UBTD1: variants seen among roughly 807,000 people sequenced by gnomAD.
UBTD1 encodes ubiquitin domain containing 1, also known as ubiquitin domain-containing protein 1.
UBTD1 carries 19 observed loss-of-function variants against 21.7 expected under a neutral mutation model. That is an observed-to-expected ratio of 0.87 (90% CI 0.61 to 1.28). UBTD1 has a LOEUF of 1.28. UBTD1 is among the 50% of genes most tolerant of loss of function. The pLI is 0.00. For synonymous variants in UBTD1, 116 were observed against 135.1 expected (o/e 0.86, Z 0.98); for missense variants, 282 against 315.1 (o/e 0.89, Z 0.80).
intron 1 of UBTD1, among the ~76,000 whole-genome samples, chr10:97,528,210 G>T (rs2040501514): frequency 9.5e-6 from 1 of 104,976 alleles, no homozygotes; most frequent in Non-Finnish European, 2.2e-5. Context: ...CGGGGCGGCT[G>T]GCCGGGCAGA....
intron 1 of UBTD1, among the ~76,000 whole-genome samples, chr10:97,502,760 C>T (rs1035277634): frequency 1.3e-5 from 2 of 151,834 alleles, no homozygotes; most frequent in Middle Eastern, 3.4e-3. Flanking sequence ...GTCAGGGATT[C>T]TTGCATTAGG....
intron 1 of UBTD1, among the ~76,000 whole-genome samples, chr10:97,513,010 C>G (rs780974342): frequency 6.6e-6 from 1 of 152,210 alleles, no homozygotes; most frequent in Non-Finnish European, 1.5e-5. Context: ...GTGAGGTTGG[C>G]AGGCTTGCAC....
Position 97,570,695 on chromosome 10 carries a change from C to A in UBTD1, c.*172C>A. ...CACTACGCGCCACCAGTTCCCGGTACCCAGGGAGCAGGCAGCCACACACGG... is the reference window on the plus strand; with the variant it reads ...CACTACGCGCCACCAGTTCCCGGTAACCAGGGAGCAGGCAGCCACACACGG... On this transcript the variant is annotated 3_prime_UTR_variant, in exon 3 of 3. Transcript: ENST00000370664. The surrounding 1 kb of genome is among the most constrained non-coding windows in gnomAD (Gnocchi z 6.6). 3.8e-6 allele frequency: 3 copies of A among 783,040 alleles called. No homozygotes were observed. Among genetic ancestry groups the A allele is most frequent in the Non-Finnish European group, 6.0e-6 (3 of 502,410 alleles). The allele number at this position is 783,040 out of a possible 1,614,324, so 48.5% of individuals were successfully genotyped here. A position where few individuals can be genotyped will look rare whatever the true frequency, so the allele number is the denominator to read the frequency against.
chr10:97,550,140 G>A (rs2040629853), intron 1 of UBTD1, among the ~76,000 whole-genome samples: 1 of 152,136 alleles, frequency 6.6e-6, no homozygotes, highest in African/African-American at 2.4e-5. Context: ...TCTCCCGTCT[G>A]GTGTGAGAGC....
At chr10:97,505,910 A>G (rs1188436295) in intron 1 of UBTD1, among the ~76,000 whole-genome samples, 1 of 152,264 alleles carries the variant, frequency 6.6e-6, no homozygotes, top group Non-Finnish European at 1.5e-5. Context: ...TTTAAGGAGC[A>G]AAACTATAAA....
chr10:97,568,446 C>A (rs1448180709), intron 2 of UBTD1, among the ~76,000 whole-genome samples: 1 of 151,824 alleles, frequency 6.6e-6, no homozygotes, highest in Admixed American at 6.6e-5. Context: ...GAGATGGAGT[C>A]TTACTTGCTC....
intron 1 of UBTD1, among the ~76,000 whole-genome samples, chr10:97,502,988 C>A (rs2040383676): frequency 6.6e-6 from 1 of 151,028 alleles, no homozygotes; most frequent in African/African-American, 2.4e-5. Flanking sequence ...GCAGTTATAG[C>A]TCCCTGCAGC....
chr10:97,568,183 G>T (rs376633934), intron 2 of UBTD1, 42 bp downstream of exon 2: 65 of 1,602,468 alleles, frequency 4.1e-5, no homozygotes, highest in Non-Finnish European at 5.4e-5. Context: ...CTGGAGCTAG[G>T]GGGTCACCAG....
chr10:97,525,318 G>C (rs1230469761), intron 1 of UBTD1, among the ~76,000 whole-genome samples: 1 of 152,182 alleles, frequency 6.6e-6, no homozygotes, highest in Non-Finnish European at 1.5e-5. Flanking sequence ...CAGATAGAGA[G>C]CTAAAAGACC....
chr10:97,519,351 A>G (rs2040457485), intron 1 of UBTD1, among the ~76,000 whole-genome samples: 1 of 152,186 alleles, frequency 6.6e-6, no homozygotes, highest in Non-Finnish European at 1.5e-5. Flanking sequence ...TATCCTTGCA[A>G]ATAAGGGGCT....
At position 97,553,790 on chromosome 10, in the gene UBTD1, T is replaced by A. The variant is rs533708234; in HGVS notation, c.71-14124T>A. On this transcript the variant is annotated intron_variant, in intron 1 of 2. Coordinates refer to ENST00000370664, the MANE Select transcript of UBTD1 (RefSeq NM_024954.5). Reference sequence around the variant, plus strand: ...CTGCCCCCTCCCCCTCACCAGCCCATTGTAAGATTTTCAGCCACAGAGGCC... The same window carrying A: ...CTGCCCCCTCCCCCTCACCAGCCCAATGTAAGATTTTCAGCCACAGAGGCC... Among the ~76,000 whole-genome samples the A allele has an allele frequency of 2.4e-3, 362 of 152,174 alleles. No homozygotes were observed. The Middle Eastern group carries it at 0.024, about 10-fold the overall frequency.
intron 1 of UBTD1, among the ~76,000 whole-genome samples, chr10:97,561,797 C>G (rs1226762930): frequency 1.3e-5 from 2 of 152,226 alleles, no homozygotes; most frequent in African/African-American, 4.8e-5. Flanking sequence ...GAGGGTCTCT[C>G]TCTTCCCTCA....
chr10:97,553,935 T>C (rs1263925709), intron 1 of UBTD1, among the ~76,000 whole-genome samples: 1 of 152,128 alleles, frequency 6.6e-6, no homozygotes, highest in Non-Finnish European at 1.5e-5. Context: ...AGCATAGAAG[T>C]GACTGCTAGC....
intron 1 of UBTD1, among the ~76,000 whole-genome samples, chr10:97,531,094 A>G (rs946284807): frequency 2.6e-5 from 4 of 151,936 alleles, no homozygotes; most frequent in African/African-American, 7.3e-5. Context: ...TCACCTTGTT[A>G]GCCAGGATGG....
At chr10:97,535,346 T>C (rs2040554964) in intron 1 of UBTD1, among the ~76,000 whole-genome samples, 1 of 152,184 alleles carries the variant, frequency 6.6e-6, no homozygotes, top group African/African-American at 2.4e-5. Flanking sequence ...CCTGGTGTGG[T>C]GGCTCACGCC....
chr10:97,526,157 T>G (rs545992004), intron 1 of UBTD1, among the ~76,000 whole-genome samples: 62 of 152,306 alleles, frequency 4.1e-4, no homozygotes, highest in African/African-American at 1.4e-3. Flanking sequence ...AGCAGAGGAT[T>G]CGATCTCTGG....
intron 1 of UBTD1, among the ~76,000 whole-genome samples, chr10:97,542,520 G>A (rs1397602853): frequency 6.6e-6 from 1 of 152,182 alleles, no homozygotes; most frequent in Non-Finnish European, 1.5e-5. Flanking sequence ...GGAAAAAGAG[G>A]CCTTCATGTT....
chr10:97,507,039 C>T (rs2040402291), intron 1 of UBTD1, among the ~76,000 whole-genome samples: 1 of 152,032 alleles, frequency 6.6e-6, no homozygotes, highest in South Asian at 2.1e-4. Flanking sequence ...GTGTATATAC[C>T]CAGAGGTGGA....
chr10:97,560,253 C>G (rs1381939619), intron 1 of UBTD1, among the ~76,000 whole-genome samples: 1 of 152,070 alleles, frequency 6.6e-6, no homozygotes, highest in Non-Finnish European at 1.5e-5. Context: ...TTAAAGCAAA[C>G]TTTCTTTATG....
Sources: allele counts gnomAD v4.1 joint callset (sites outside exome capture counted in the v4.1 genomes callset), GRCh38; gene constraint gnomAD v4.1.1; non-coding constraint Gnocchi (gnomAD v3.1); transcripts MANE v1.5; gene names NCBI Gene and HGNC (gene_info 2026-07-23, HGNC 2026-07-21).